ANKRD31: variants seen among roughly 807,000 people sequenced by gnomAD.
ANKRD31 encodes the protein ankyrin repeat domain-containing protein 31.
A neutral mutation model predicts 186.0 loss-of-function variants in ANKRD31; 147 were observed. The ratio of observed to expected loss-of-function variants is 0.79; its 90% CI spans 0.69 to 0.91. The LOEUF (loss-of-function observed/expected upper bound fraction) is 0.91, where lower values mean the gene tolerates loss of function less well. Ranked by LOEUF, ANKRD31 falls within the 40% of genes least tolerant of loss-of-function variation. The pLI, the probability that ANKRD31 is intolerant of heterozygous loss-of-function variation, is 0.00. For synonymous variants in ANKRD31, 673 were observed against 736.4 expected (o/e 0.91, Z 1.39); for missense variants, 1,986 against 2,148.8 (o/e 0.92, Z 1.50).
intron 1 of ANKRD31, among the ~76,000 whole-genome samples, chr5:75,231,006 G>T (rs1258614559): frequency 6.6e-6 from 1 of 152,104 alleles, no homozygotes; most frequent in Admixed American, 6.5e-5. Flanking sequence ...CTATACCAGA[G>T]AACTTGAAAT....
chr5:75,122,309 A>C (rs965258589), intron 17 of ANKRD31, among the ~76,000 whole-genome samples: 2 of 151,804 alleles, frequency 1.3e-5, no homozygotes, highest in Non-Finnish European at 2.9e-5. Context: ...AAAAAAGCCT[A>C]GGTCAAGATG....
chr5:75,213,701 T>C (rs889970325), intron 3 of ANKRD31, among the ~76,000 whole-genome samples: 14 of 152,226 alleles, frequency 9.2e-5, no homozygotes, highest in African/African-American at 3.1e-4. Flanking sequence ...GTTTTCTTGT[T>C]GTTTTTTTTG....
intron 5 of ANKRD31, among the ~76,000 whole-genome samples, chr5:75,203,815 A>G (rs1397194953): frequency 6.6e-6 from 1 of 152,182 alleles, no homozygotes; most frequent in Non-Finnish European, 1.5e-5. Flanking sequence ...AACCTCTAAG[A>G]TGACATCATT....
intron 12 of ANKRD31, among the ~76,000 whole-genome samples, chr5:75,151,968 C>T (rs964232850): frequency 9.9e-5 from 15 of 151,868 alleles, no homozygotes. Context: ...ACATAGCAAC[C>T]CTGATACAAT....
chr5:75,077,927 G>T (rs534232630), intron 25 of ANKRD31, among the ~76,000 whole-genome samples: 3 of 87,440 alleles, frequency 3.4e-5, no homozygotes, highest in African/African-American at 5.4e-5. Context: ...GCGAGACTCC[G>T]TCTCAAAAAA....
chr5:75,072,370 C>T (rs1389569669), intron 25 of ANKRD31, among the ~76,000 whole-genome samples: 1 of 151,868 alleles, frequency 6.6e-6, no homozygotes, highest in East Asian at 1.9e-4. Context: ...TTTTGCCTCC[C>T]TACTTTCCTT....
chr5:75,147,788 T>C (rs1314093959), intron 13 of ANKRD31, among the ~76,000 whole-genome samples: 8 of 152,032 alleles, frequency 5.3e-5, no homozygotes, highest in Admixed American at 1.3e-4. Flanking sequence ...CTACTAATCT[T>C]ATTAAACATA....
chr5:75,069,228 T>C (rs9293643), intron 25 of ANKRD31, among the ~76,000 whole-genome samples: 77,085 of 151,824 alleles, frequency 0.51, 22,637 homozygotes, highest in African/African-American at 0.82. Context: ...TCTATGGGGC[T>C]AATGGTCCTA....
At chr5:75,178,267 T>TC (rs886243181) in intron 10 of ANKRD31, among the ~76,000 whole-genome samples, 1 of 152,086 alleles carries the variant, frequency 6.6e-6, no homozygotes, top group African/African-American at 2.4e-5. Context: ...AGACTTAGAC[T>TC]CCCACACATT....
intron 2 of ANKRD31, chr5:75,225,515 AC>A: frequency 3.4e-6 from 1 of 291,892 alleles, no homozygotes. Context: ...GGAGTCATAC[AC>A]CACTTAGTAA....
chr5:75,132,592 G>T (rs920850897), intron 17 of ANKRD31, among the ~76,000 whole-genome samples: 7 of 152,186 alleles, frequency 4.6e-5, no homozygotes, highest in Non-Finnish European at 1.0e-4. Context: ...AAAACACTCT[G>T]CAGGATATTA....
At chr5:75,168,038 C>T (rs143521714) in intron 11 of ANKRD31, among the ~76,000 whole-genome samples, 47 of 152,144 alleles carry the variant, frequency 3.1e-4, no homozygotes, top group African/African-American at 1.1e-3. Context: ...GTCCTCTAAA[C>T]TATATGCAAA....
intron 22 of ANKRD31, among the ~76,000 whole-genome samples, chr5:75,098,832 C>G (rs531437398): frequency 3.5e-4 from 53 of 152,234 alleles, no homozygotes; most frequent in Non-Finnish European, 4.6e-4. Flanking sequence ...AAATTTTGGG[C>G]TGAGATGATG....
At chr5:75,158,442 TG>T (rs1213088073) in intron 11 of ANKRD31, among the ~76,000 whole-genome samples, 2 of 152,080 alleles carry the variant, frequency 1.3e-5, no homozygotes, top group East Asian at 3.8e-4. Flanking sequence ...GCATGTGGGT[TG>T]GGGGACTCAG....
At chr5:75,220,703 G>A (rs577238433) in intron 3 of ANKRD31, among the ~76,000 whole-genome samples, 8 of 150,800 alleles carry the variant, frequency 5.3e-5, no homozygotes, top group South Asian at 4.2e-4. Flanking sequence ...AGACATATAC[G>A]TGGCCAACAA....
intron 20 of ANKRD31, among the ~76,000 whole-genome samples, chr5:75,111,940 T>G (rs1391767497): frequency 6.6e-6 from 1 of 152,162 alleles, no homozygotes; most frequent in Non-Finnish European, 1.5e-5. Context: ...CTTTTAAGGG[T>G]TACCATAGCT....
intron 20 of ANKRD31, 26 bp downstream of exon 20, chr5:75,112,487 A>G: frequency 7.2e-7 from 1 of 1,391,522 alleles, no homozygotes; most frequent in Non-Finnish European, 9.7e-7. Context: ...TGAAAATATC[A>G]TACTTGAGTA....
chr5:75,206,970 G>C lies in ANKRD31; in HGVS notation c.327-483C>G, dbSNP rs190041414. Among the ~76,000 whole-genome samples the C allele has an allele frequency of 3.7e-3, 556 of 152,268 alleles. 7 individuals are homozygous for C. The highest frequency in any genetic ancestry group is 3.4e-3 in the Middle Eastern group (1 of 294). ...AAGAAAAGGTAGGGAATACCGAAGGGAGGAAGTTAAAAGCAAAATAAGGGT... is the reference window on the plus strand; with the variant it reads ...AAGAAAAGGTAGGGAATACCGAAGGCAGGAAGTTAAAAGCAAAATAAGGGT... On this transcript the variant is annotated intron_variant, in intron 4 of 25. Coordinates refer to ENST00000506364, the MANE Select transcript of ANKRD31 (RefSeq NM_001372053.1).
intron 9 of ANKRD31, among the ~76,000 whole-genome samples, chr5:75,190,291 G>A (rs925423746): frequency 5.3e-5 from 8 of 152,090 alleles, no homozygotes; most frequent in African/African-American, 1.9e-4. Context: ...AAAGTACTGC[G>A]ACTCTAGGCA....
Sources: gnomAD v4.1 joint callset for allele counts (sites outside exome capture counted in the v4.1 genomes callset) on GRCh38, gnomAD v4.1.1 for gene constraint, MANE v1.5 for transcripts, NCBI Gene and HGNC (gene_info 2026-07-23, HGNC 2026-07-21) for gene names.